The following SCFD1 variants were observed in gnomAD, a reference collection of about 807,000 sequenced individuals.
SCFD1 encodes the protein sec1 family domain containing 1, also known as sec1 family domain-containing protein 1.
Under a neutral mutation model 103.2 loss-of-function variants are expected in SCFD1, and 37 were observed. The ratio of observed to expected loss-of-function variants is 0.36; its 90% CI spans 0.28 to 0.47. SCFD1 has a LOEUF of 0.47. Ranked by LOEUF, SCFD1 falls within the 20% of genes least tolerant of loss-of-function variation. The probability of loss-of-function intolerance (pLI) is 1.00; values close to 1 mark genes in which losing one functional copy is unlikely to be tolerated. For missense variants in SCFD1, 639 were observed against 761.2 expected, an observed-to-expected ratio of 0.84 and a Z score of 1.89; for synonymous variants, 264 against 245.0, an observed-to-expected ratio of 1.08 and a Z score of -0.73.
In SCFD1 at chr14:30,730,333, C is replaced by G. The variant is rs570975883; in HGVS notation, c.1837-4457C>G. The stretch of plus-strand genomic sequence containing the variant: ...GCAATAAACATACCTGTGCATGTGT[C>G]TTTATAGCAGCATGATTTATAATCC... On this transcript the variant is annotated intron_variant, in intron 23 of 24. Coordinates refer to ENST00000458591, the MANE Select transcript of SCFD1 (RefSeq NM_016106.4). Among the ~76,000 whole-genome samples the G allele has an allele frequency of 3.0e-4, 46 of 152,306 alleles. No individual in the cohort carries two copies. The South Asian group carries it at 5.0e-3, about 16-fold the overall frequency.
At chr14:30,694,629 T>C in intron 14 of SCFD1, 144 bp from the exon 15 acceptor site, 1 of 1,230,602 alleles carries the variant, frequency 8.1e-7, no homozygotes. Context: ...TACTTCAGCC[T>C]GGTACTTCTG....
At chr14:30,642,617 G>A (rs1885396123) in intron 6 of SCFD1, among the ~76,000 whole-genome samples, 1 of 152,148 alleles carries the variant, frequency 6.6e-6, no homozygotes, top group African/African-American at 2.4e-5. Context: ...TGGTTGTGCT[G>A]TAATTTATTT....
At chr14:30,631,158 C>A (rs1396993461) in intron 3 of SCFD1, among the ~76,000 whole-genome samples, 1 of 152,066 alleles carries the variant, frequency 6.6e-6, no homozygotes, top group Non-Finnish European at 1.5e-5. Flanking sequence ...TCGAGACCAG[C>A]CTGGTCACGT....
chr14:30,712,351 A>G (rs1159521243), intron 19 of SCFD1, among the ~76,000 whole-genome samples: 1 of 152,186 alleles, frequency 6.6e-6, no homozygotes, highest in Non-Finnish European at 1.5e-5. Flanking sequence ...TCAGAGTATC[A>G]TCTGAAGCCC....
chr14:30,679,539 A>G (rs1379976081), intron 14 of SCFD1, among the ~76,000 whole-genome samples: 1 of 152,192 alleles, frequency 6.6e-6, no homozygotes, highest in African/African-American at 2.4e-5. Context: ...TGCTTTATGC[A>G]AGAAAGAAAA....
intron 23 of SCFD1, among the ~76,000 whole-genome samples, chr14:30,727,811 T>C (rs557629935): frequency 1.3e-5 from 2 of 152,292 alleles, no homozygotes; most frequent in Non-Finnish European, 1.5e-5. Context: ...GGCCAGTGCT[T>C]TTCCCCTTTG....
chr14:30,683,174 G>T, intron 14 of SCFD1: 1 of 1,091,802 alleles, frequency 9.2e-7, no homozygotes, highest in Non-Finnish European at 1.4e-6. Flanking sequence ...CTCCTAGTAG[G>T]CTGGAGATGG....
At chr14:30,668,344 A>G (rs527362979) in intron 10 of SCFD1, among the ~76,000 whole-genome samples, 9 of 152,244 alleles carry the variant, frequency 5.9e-5, no homozygotes, top group African/African-American at 1.2e-4. Context: ...CTGGCTAGCC[A>G]TATGTAGAAA....
chr14:30,710,332 TAAAAAAAAA>T (rs397853428), intron 19 of SCFD1, among the ~76,000 whole-genome samples: 16 of 82,026 alleles, frequency 2.0e-4, no homozygotes, highest in East Asian at 1.4e-3. Context: ...GCCATGTCAT[TAAAAAAAAA>T]AAAAAAAAAA....
At chr14:30,653,387 A>G (rs1886586468) in intron 9 of SCFD1, 102 bp from the exon 10 acceptor site, 1 of 727,768 alleles carries the variant, frequency 1.4e-6, no homozygotes, top group Admixed American at 2.4e-5. Flanking sequence ...TTAGCATACT[A>G]TTATTCATAT....
chr14:30,669,511 G>GGGTTT (rs1218308774), intron 10 of SCFD1, among the ~76,000 whole-genome samples: 3 of 151,918 alleles, frequency 2.0e-5, no homozygotes, highest in South Asian at 4.1e-4. Context: ...TGGTTTTTGT[G>GGGTTT]GGTTTGGTTT....
chr14:30,670,488 T>A, intron 11 of SCFD1, 93 bp downstream of exon 11: 1 of 865,894 alleles, frequency 1.2e-6, no homozygotes, highest in Non-Finnish European at 1.7e-6. Flanking sequence ...AAAAGGGTCA[T>A]GTAGGTTCGT....
At chr14:30,722,693 T>C in intron 23 of SCFD1, 134 bp downstream of exon 23, 1 of 457,108 alleles carries the variant, frequency 2.2e-6, no homozygotes, top group Non-Finnish European at 3.8e-6. Context: ...GCATATATGA[T>C]TTTTAAATGT....
chr14:30,724,249 T>G (rs1460600656), intron 23 of SCFD1, among the ~76,000 whole-genome samples: 7 of 126,300 alleles, frequency 5.5e-5, no homozygotes, highest in African/African-American at 1.0e-4. Context: ...TTATGGGTTT[T>G]TTTTTTTTTT....
chr14:30,633,440 A>G (rs1463269102), intron 3 of SCFD1, among the ~76,000 whole-genome samples: 4 of 152,210 alleles, frequency 2.6e-5, no homozygotes, highest in Non-Finnish European at 5.9e-5. Context: ...TTAAGGAAAC[A>G]TTTATATACC....
intron 1 of SCFD1, among the ~76,000 whole-genome samples, chr14:30,624,070 GC>G (rs1401108659): frequency 6.6e-6 from 1 of 152,144 alleles, no homozygotes; most frequent in African/African-American, 2.4e-5. Context: ...AAACTAACGT[GC>G]CTGTTTCTTG....
intron 14 of SCFD1, among the ~76,000 whole-genome samples, chr14:30,694,367 CTT>C (rs1391878142): frequency 6.6e-6 from 1 of 152,046 alleles, no homozygotes; most frequent in African/African-American, 2.4e-5. Context: ...AAGTAAGACA[CTT>C]TAAATTCTTT....
chr14:30,666,222 A>G (rs1887952814), intron 10 of SCFD1, among the ~76,000 whole-genome samples: 1 of 152,234 alleles, frequency 6.6e-6, no homozygotes, highest in South Asian at 2.1e-4. Context: ...ACCACAGTGC[A>G]ATCAAACTAG....
At chr14:30,674,883 C>T (rs967245891) in intron 13 of SCFD1, 101 bp from the exon 14 acceptor site, 10 of 565,584 alleles carry the variant, frequency 1.8e-5, no homozygotes, top group Non-Finnish European at 2.2e-5. Context: ...GTTACTGTTT[C>T]ACTGTTCTGA....
Sources: gnomAD v4.1 joint callset for allele counts (sites outside exome capture counted in the v4.1 genomes callset) on GRCh38, gnomAD v4.1.1 for gene constraint, MANE v1.5 for transcripts, NCBI Gene and HGNC (gene_info 2026-07-23, HGNC 2026-07-21) for gene names.